Variants in GCNT2 observed in about 807,000 individuals in gnomAD.
The protein encoded by GCNT2 is N-acetyllactosaminide beta-1,6-N-acetylglucosaminyl-transferase.
Under a neutral mutation model 34.2 loss-of-function variants are expected in GCNT2, and 34 were observed. The observed-to-expected ratio is 1.00, with a 90% confidence interval of 0.76 to 1.32. GCNT2 has a LOEUF of 1.32. GCNT2 is among the 40% of genes most tolerant of loss of function. GCNT2 has a pLI of 0.00. For synonymous variants in GCNT2, 212 were observed against 188.0 expected, an observed-to-expected ratio of 1.13 and a Z score of -1.04; for missense variants, 584 against 489.4, an observed-to-expected ratio of 1.19 and a Z score of -1.82.
intron 1 of GCNT2, among the ~76,000 whole-genome samples, chr6:10,525,872 A>G (rs1326430719): frequency 6.6e-6 from 1 of 152,228 alleles, no homozygotes; most frequent in African/African-American, 2.4e-5. Context: ...AGATGCTTCT[A>G]TGTCTGCAAT....
chr6:10,580,322 A>T (rs199506753), intron 3 of GCNT2, among the ~76,000 whole-genome samples: 10 of 152,192 alleles, frequency 6.6e-5, no homozygotes, highest in Non-Finnish European at 1.3e-4. Context: ...CCCCCACCCA[A>T]TCCTCCTCAA....
chr6:10,528,739 G>A lies in GCNT2; in HGVS notation c.-173G>A. 3.1e-6 allele frequency: 2 copies of A among 648,040 alleles called. No individual in the cohort carries two copies. The highest frequency in any genetic ancestry group is 2.7e-6 in the Non-Finnish European group (1 of 364,552). 40.1% of individuals were successfully genotyped at this position (648,040 alleles called of 1,614,324 possible). ...GCAACCTAGTGGTAAGTGAAGAGGG[G>A]AAGAAGAAAGAAAAAGGACCAGAAC... On this transcript the variant is annotated 5_prime_UTR_variant, in exon 3 of 5. Coordinates refer to ENST00000495262, the MANE Select transcript of GCNT2 (RefSeq NM_145649.5).
chr6:10,525,275 T>A (rs1484556731), intron 1 of GCNT2, among the ~76,000 whole-genome samples: 1 of 152,198 alleles, frequency 6.6e-6, no homozygotes, highest in African/African-American at 2.4e-5. Context: ...ATATACACCC[T>A]GCCAGTTATT....
chr6:10,588,890 C>CGTGTGTGT (rs1554134581), intron 3 of GCNT2, among the ~76,000 whole-genome samples: 1 of 140,088 alleles, frequency 7.1e-6, no homozygotes, highest in Non-Finnish European at 1.5e-5. Flanking sequence ...GTGTTTGTAG[C>CGTGTGTGT]GTGTGTGTTG....
chr6:10,563,852 CAAAAT>C (rs1163582104), intron 3 of GCNT2, among the ~76,000 whole-genome samples: 20 of 115,594 alleles, frequency 1.7e-4, no homozygotes, highest in Non-Finnish European at 2.9e-4. Context: ...AACAAGAAAT[CAAAAT>C]AAAAAGAAAC....
chr6:10,598,332 C>G (rs183202987), intron 3 of GCNT2, among the ~76,000 whole-genome samples: 1 of 152,306 alleles, frequency 6.6e-6, no homozygotes, highest in African/African-American at 2.4e-5. Flanking sequence ...TATCTCCCCT[C>G]TCAGCCATTG....
chr6:10,551,485 G>A (rs1762476432), intron 3 of GCNT2, among the ~76,000 whole-genome samples: 1 of 144,922 alleles, frequency 6.9e-6, no homozygotes, highest in African/African-American at 2.5e-5. Flanking sequence ...TCGCTCCGTT[G>A]CCCAGGCTGG....
At chr6:10,569,212 C>A (rs1215403455) in intron 3 of GCNT2, among the ~76,000 whole-genome samples, 1 of 147,344 alleles carries the variant, frequency 6.8e-6, no homozygotes, top group South Asian at 2.2e-4. Flanking sequence ...ACTTGCATCA[C>A]CCCCTGCCAC....
chr6:10,597,920 C>CT (rs879569717), intron 3 of GCNT2, among the ~76,000 whole-genome samples: 12 of 152,172 alleles, frequency 7.9e-5, no homozygotes, highest in Admixed American at 1.3e-4. Flanking sequence ...GTTTAATTTT[C>CT]TTTTTTTAAA....
chr6:10,585,632 A>AG (rs1343263950), intron 3 of GCNT2: 1 of 369,116 alleles, frequency 2.7e-6, no homozygotes, highest in Non-Finnish European at 4.6e-6. Flanking sequence ...TCCAGTGAAA[A>AG]GGACCCATCA....
chr6:10,623,959 A>G (rs1008580796), intron 4 of GCNT2, among the ~76,000 whole-genome samples: 1 of 152,144 alleles, frequency 6.6e-6, no homozygotes. Flanking sequence ...TTTTGACCCT[A>G]CAAGGCTGAT....
intron 3 of GCNT2, among the ~76,000 whole-genome samples, chr6:10,588,829 G>A (rs1397875933): frequency 7.5e-5 from 11 of 147,416 alleles, no homozygotes; most frequent in Non-Finnish European, 3.0e-5. Flanking sequence ...TGTTTGCAGT[G>A]TATGTGTGTG....
chr6:10,620,818 C>T (rs1766003896), intron 3 of GCNT2, among the ~76,000 whole-genome samples: 1 of 152,162 alleles, frequency 6.6e-6, no homozygotes, highest in Non-Finnish European at 1.5e-5. Flanking sequence ...CAGTGTTTCT[C>T]AAATGGGGTG....
intron 3 of GCNT2, chr6:10,586,687 A>G (rs182321762): frequency 1.2e-6 from 2 of 1,614,170 alleles, no homozygotes; most frequent in Middle Eastern, 1.6e-4. Context: ...AAATATGTCC[A>G]CCAAGAGCAT....
chr6:10,594,463 C>T (rs945644556), intron 3 of GCNT2, among the ~76,000 whole-genome samples: 3 of 152,164 alleles, frequency 2.0e-5, no homozygotes, highest in Non-Finnish European at 4.4e-5. Flanking sequence ...TGGAGTGAGA[C>T]AAATGCAATA....
At chr6:10,534,757 G>T (rs1761681100) in intron 3 of GCNT2, among the ~76,000 whole-genome samples, 1 of 152,206 alleles carries the variant, frequency 6.6e-6, no homozygotes. Context: ...AGCTGCTGGA[G>T]AAGTTGAGGC....
chr6:10,588,898 TTG>T (rs1247270461), intron 3 of GCNT2, among the ~76,000 whole-genome samples: 1 of 139,476 alleles, frequency 7.2e-6, no homozygotes, highest in African/African-American at 2.7e-5. Context: ...AGCGTGTGTG[TTG>T]TGTGGTGTGT....
intron 3 of GCNT2, among the ~76,000 whole-genome samples, chr6:10,605,013 G>T (rs1024831574): frequency 3.3e-5 from 5 of 152,096 alleles, no homozygotes; most frequent in Admixed American, 3.3e-4. Flanking sequence ...GGGCATGGTG[G>T]TGCATACCTG....
intron 3 of GCNT2, among the ~76,000 whole-genome samples, chr6:10,541,181 CA>C (rs55797994): frequency 1.5e-3 from 225 of 152,254 alleles, no homozygotes; most frequent in African/African-American, 4.9e-3. Flanking sequence ...CAACGCCCCC[CA>C]CCAGCCCCAG....
Sources: gnomAD v4.1 joint callset for allele counts (sites outside exome capture counted in the v4.1 genomes callset) on GRCh38, gnomAD v4.1.1 for gene constraint, MANE v1.5 for transcripts, NCBI Gene and HGNC (gene_info 2026-07-23, HGNC 2026-07-21) for gene names.